Variants in DMGDH observed in about 807,000 individuals in gnomAD.
The protein encoded by DMGDH is dimethylglycine dehydrogenase, mitochondrial.
In DMGDH, 76 loss-of-function variants were observed where a neutral mutation model predicts 95.2. The observed-to-expected ratio is 0.80, with a 90% confidence interval of 0.66 to 0.97. The LOEUF is 0.97. DMGDH is among the 50% of genes least tolerant of loss of function. The pLI is 0.00. For missense variants in DMGDH, 987 were observed against 1,055.0 expected, an observed-to-expected ratio of 0.94 and a Z score of 0.89; for synonymous variants, 345 against 377.6, an observed-to-expected ratio of 0.91 and a Z score of 1.00.
intron 13 of DMGDH, among the ~76,000 whole-genome samples, chr5:79,026,074 A>G (rs1327859358): frequency 6.6e-6 from 1 of 152,260 alleles, no homozygotes; most frequent in Non-Finnish European, 1.5e-5. Flanking sequence ...ACCAAAAGGT[A>G]TAAGATAAGA....
intron 15 of DMGDH, 60 bp downstream of exon 15, chr5:79,005,213 A>C: frequency 1.2e-6 from 2 of 1,608,118 alleles, no homozygotes; most frequent in Non-Finnish European, 1.7e-6. Context: ...AATAGGAACA[A>C]GGGGAGTTTC....
At position 79,030,968 on chromosome 5, in the gene DMGDH, C is replaced by G; in HGVS notation, c.1548G>C (p.Glu516Asp). 1 of 1,613,362 alleles carries G rather than the reference C, an allele frequency of 6.2e-7. No homozygotes were observed. The highest frequency in any genetic ancestry group is 1.3e-5 in the African/African-American group (1 of 74,926). The change falls in exon 10 of 16, where the codon GAG becomes GAC. Residue 516 changes from glutamate (E) to aspartate (D), a missense_variant. Glu to Asp is a conservative substitution (Grantham distance 45). Transcript: ENST00000255189. ...CCTGTTTATACTCCGAGCCCACAGG[C>G]TCAAACCAGTTTGTGCGGCGAAAAC... ...RPSFRRTNWF[E>D]PVGSEYKQVM...
chr5:79,068,271 GT>G (rs1755439325), intron 1 of DMGDH, among the ~76,000 whole-genome samples: 1 of 150,564 alleles, frequency 6.6e-6, no homozygotes, highest in African/African-American at 2.5e-5. Flanking sequence ...TATCTAATCA[GT>G]TTGTTTGTTA....
At chr5:79,000,997 T>C in intron 15 of DMGDH, 1 of 702,714 alleles carries the variant, frequency 1.4e-6, no homozygotes, top group Non-Finnish European at 2.6e-6. Context: ...ATATCGTAGC[T>C]AATTCTAATA....
intron 14 of DMGDH, among the ~76,000 whole-genome samples, chr5:79,009,612 A>G (rs1753611353): frequency 6.6e-6 from 1 of 151,936 alleles, no homozygotes; most frequent in Non-Finnish European, 1.5e-5. Context: ...TGCTTACCTC[A>G]GCCTCCCAAA....
chr5:79,006,286 C>T (rs148537223), intron 14 of DMGDH, among the ~76,000 whole-genome samples: 2 of 151,278 alleles, frequency 1.3e-5, no homozygotes, highest in African/African-American at 2.4e-5. Flanking sequence ...CACCTTAATA[C>T]ACCTTACCTG....
chr5:79,063,769 TA>T lies in DMGDH; in HGVS notation c.119del (p.Leu40TyrfsTer14). On this transcript the variant is annotated frameshift_variant, in exon 2 of 16. Coordinates refer to ENST00000255189, the MANE Select transcript of DMGDH (RefSeq NM_013391.3). LOFTEE classifies it high-confidence loss of function. ...CGREGEEKPPLSAETQWKDRA... is the reference protein window; with the variant it reads ...CGREGEEKPPXSAETQWKDRA... ...TGTCTTTCCATTGTGTTTCTGCAGA[TA>T]AGGGTGGTTTTTCCTCTCTGGAAGA... The T allele has an allele frequency of 6.2e-7, 1 of 1,614,186 alleles. No homozygotes were observed. The highest frequency in any genetic ancestry group is 8.5e-7 in the Non-Finnish European group (1 of 1,180,024).
At chr5:79,026,713 A>T (rs1347610405) in intron 12 of DMGDH, 132 bp from the exon 13 acceptor site, 2 of 1,363,484 alleles carry the variant, frequency 1.5e-6, no homozygotes, top group Non-Finnish European at 2.0e-6. Context: ...CTCTAAAAAG[A>T]CCAGCTCACA....
chr5:79,022,657 G>A (rs969152464), intron 14 of DMGDH, among the ~76,000 whole-genome samples: 2 of 152,140 alleles, frequency 1.3e-5, no homozygotes, highest in Non-Finnish European at 1.5e-5. Context: ...AACTAACTAC[G>A]TTCTGAGATG....
chr5:79,068,705 A>C (rs1362827780), intron 1 of DMGDH, among the ~76,000 whole-genome samples: 1 of 152,264 alleles, frequency 6.6e-6, no homozygotes, highest in Non-Finnish European at 1.5e-5. Context: ...CTTTCCTGGC[A>C]ACCAGGAATA....
intron 7 of DMGDH, among the ~76,000 whole-genome samples, chr5:79,035,787 A>G (rs1312580655): frequency 6.6e-6 from 1 of 152,182 alleles, no homozygotes; most frequent in African/African-American, 2.4e-5. Flanking sequence ...TAAAAAGTAA[A>G]TATTTTACAA....
intron 14 of DMGDH, among the ~76,000 whole-genome samples, chr5:79,019,869 G>A (rs1753822890): frequency 6.6e-6 from 1 of 151,960 alleles, no homozygotes; most frequent in Non-Finnish European, 1.5e-5. Context: ...TGGGCAATAG[G>A]GCAAGACTCC....
intron 7 of DMGDH, among the ~76,000 whole-genome samples, chr5:79,038,965 C>A (rs1321809619): frequency 6.6e-6 from 1 of 151,856 alleles, no homozygotes; most frequent in African/African-American, 2.4e-5. Flanking sequence ...AAATGCTCAT[C>A]ATCACTGGCC....
chr5:79,020,079 G>A, intron 14 of DMGDH, among the ~76,000 whole-genome samples: 1 of 152,120 alleles, frequency 6.6e-6, no homozygotes. Flanking sequence ...AGTTCTTTCA[G>A]TTCAGGTAAT....
At chr5:79,010,189 T>C (rs1200201432) in intron 14 of DMGDH, among the ~76,000 whole-genome samples, 1 of 152,240 alleles carries the variant, frequency 6.6e-6, no homozygotes, top group African/African-American at 2.4e-5. Context: ...CATCTCTCAT[T>C]AGCTCTATTA....
chr5:79,060,744 C>G (rs1192910792), intron 2 of DMGDH, among the ~76,000 whole-genome samples: 1 of 151,324 alleles, frequency 6.6e-6, no homozygotes, highest in Non-Finnish European at 1.5e-5. Context: ...CATGGTGAAA[C>G]CTCATCTCTA....
chr5:79,026,592 C>T lies in DMGDH; in HGVS notation c.2033-11G>A, dbSNP rs779877583. 1 of 1,613,958 alleles carries T rather than the reference C, an allele frequency of 6.2e-7. No homozygotes were observed. Among genetic ancestry groups the T allele is most frequent in the Non-Finnish European group, 8.5e-7 (1 of 1,179,978 alleles). ...CCCAACCCAGCTCACCTGAAATAAA[C>T]CCACAGGTGCCACAGCAGGGCAAGA... On this transcript the variant is annotated splice_polypyrimidine_tract_variant and intron_variant, in intron 12 of 15. Coordinates refer to ENST00000255189, the MANE Select transcript of DMGDH (RefSeq NM_013391.3).
intron 14 of DMGDH, among the ~76,000 whole-genome samples, chr5:79,015,454 A>AGG: frequency 6.6e-6 from 1 of 152,220 alleles, no homozygotes; most frequent in Non-Finnish European, 1.5e-5. Context: ...CAGGTTCTCC[A>AGG]GGATACACTC....
Position 79,030,842 on chromosome 5 carries a change from G to A in DMGDH, c.1674C>T (p.Val558=). The A allele has an allele frequency of 6.2e-7, 1 of 1,613,992 alleles. No individual in the cohort carries two copies. Residue 558 remains valine, a synonymous_variant, in exon 10 of 16, where the codon GTC becomes GTT. Transcript: ENST00000255189. ...IRLLDHLFAN[V]IPKVGFTNIS... is the part of the protein sequence containing the mutation. The stretch of plus-strand genomic sequence containing the variant: ...CTACAAGGCTATTTACCTTTGGAAT[G>A]ACATTTGCAAAGAGATGGTCCAGTA...
Sources: gnomAD v4.1 joint callset for allele counts (sites outside exome capture counted in the v4.1 genomes callset) on GRCh38, gnomAD v4.1.1 for gene constraint, MANE v1.5 for transcripts, NCBI Gene and HGNC (gene_info 2026-07-23, HGNC 2026-07-21) for gene names.